The following SHANK2 variants were observed in gnomAD, a reference collection of about 807,000 sequenced individuals.
SHANK2 encodes SH3 and multiple ankyrin repeat domains 2.
SHANK2 carries 43 observed loss-of-function variants against 133.7 expected under a neutral mutation model. The observed-to-expected ratio is 0.32, with a 90% CI of 0.25 to 0.41. The LOEUF (loss-of-function observed/expected upper bound fraction) is 0.41, where lower values mean the gene tolerates loss of function less well. Ranked by LOEUF, SHANK2 falls within the 10% of genes least tolerant of loss-of-function variation. The pLI is 1.00. For missense variants in SHANK2, 1,994 were observed against 2,235.8 expected (o/e 0.89, Z 2.18); for synonymous variants, 1,017 against 952.8 (o/e 1.07, Z -1.24).
At chr11:70,938,727 G>C (rs567767530) in intron 10 of SHANK2, among the ~76,000 whole-genome samples, 1 of 152,272 alleles carries the variant, frequency 6.6e-6, no homozygotes, top group South Asian at 2.1e-4. Context: ...TGAGGAGGAG[G>C]AGGAGAGTTC....
At chr11:71,130,851 A>G (rs1952287585) in intron 3 of SHANK2, among the ~76,000 whole-genome samples, 1 of 152,248 alleles carries the variant, frequency 6.6e-6, no homozygotes, top group African/African-American at 2.4e-5. Flanking sequence ...GACGATCAAG[A>G]TGCCAGCTCT....
intron 12 of SHANK2, among the ~76,000 whole-genome samples, chr11:70,816,331 C>A (rs782475485): frequency 6.6e-6 from 1 of 152,218 alleles, no homozygotes; most frequent in African/African-American, 2.4e-5. Context: ...GTAGCCCTGG[C>A]GGTCAGCACT....
chr11:70,800,890 G>A (rs1381241815), intron 13 of SHANK2, among the ~76,000 whole-genome samples: 2 of 152,182 alleles, frequency 1.3e-5, no homozygotes, highest in African/African-American at 2.4e-5. Flanking sequence ...CTTCCTTCAC[G>A]GCTGTGAGGT....
At chr11:70,726,574 C>T (rs538101650) in intron 14 of SHANK2, among the ~76,000 whole-genome samples, 26 of 152,244 alleles carry the variant, frequency 1.7e-4, no homozygotes, top group African/African-American at 6.3e-4. Flanking sequence ...GTGTCTCTGT[C>T]TGTGGAGATC....
At chr11:70,477,001 T>A (rs1555150241) in intron 25 of SHANK2, among the ~76,000 whole-genome samples, 1 of 152,124 alleles carries the variant, frequency 6.6e-6, no homozygotes, top group Non-Finnish European at 1.5e-5. Context: ...GTAGTTGGGA[T>A]TGATTTTGGT....
At chr11:70,837,641 C>T (rs1169837153) in intron 11 of SHANK2, among the ~76,000 whole-genome samples, 1 of 152,146 alleles carries the variant, frequency 6.6e-6, no homozygotes, top group Non-Finnish European at 1.5e-5. Flanking sequence ...CTGTCTTAAT[C>T]ACCACTGCAT....
At chr11:70,809,926 G>A (rs1286435216) in intron 12 of SHANK2, among the ~76,000 whole-genome samples, 2 of 152,196 alleles carry the variant, frequency 1.3e-5, no homozygotes, top group Non-Finnish European at 2.9e-5. Flanking sequence ...CAGACTCCTG[G>A]GGGCACAGGT....
At chr11:70,761,380 T>C (rs1555040184) in intron 14 of SHANK2, among the ~76,000 whole-genome samples, 1 of 152,054 alleles carries the variant, frequency 6.6e-6, no homozygotes, top group Non-Finnish European at 1.5e-5. Context: ...TCTCCAGCAC[T>C]GTGAGAAAAT....
chr11:71,197,608 A>C (rs1555116394), intron 2 of SHANK2, among the ~76,000 whole-genome samples: 1 of 152,210 alleles, frequency 6.6e-6, no homozygotes, highest in African/African-American at 2.4e-5. Flanking sequence ...CTCAGATTTT[A>C]GATTTTGTCT....
chr11:70,851,938 CAATT>C (rs1334088557), intron 11 of SHANK2, among the ~76,000 whole-genome samples: 3 of 152,172 alleles, frequency 2.0e-5, no homozygotes, highest in African/African-American at 7.2e-5. Context: ...AGAATGTGAT[CAATT>C]AATAAGAATC....
intron 15 of SHANK2, among the ~76,000 whole-genome samples, chr11:70,677,905 T>G (rs1458792979): frequency 6.6e-6 from 1 of 152,202 alleles, no homozygotes; most frequent in African/African-American, 2.4e-5. Flanking sequence ...TCGCTCCTTC[T>G]TTTTGCAGAA....
At chr11:71,132,828 T>C (rs566451727) in intron 3 of SHANK2, among the ~76,000 whole-genome samples, 59 of 152,326 alleles carry the variant, frequency 3.9e-4, no homozygotes, top group Admixed American at 3.1e-3. Context: ...AAACAATTTG[T>C]AACTCACCAG....
At chr11:71,187,083 G>C (rs1953690285) in intron 2 of SHANK2, among the ~76,000 whole-genome samples, 1 of 152,254 alleles carries the variant, frequency 6.6e-6, no homozygotes, top group African/African-American at 2.4e-5. Context: ...TGCTCAGCTG[G>C]CTGGATCCAG....
intron 2 of SHANK2, among the ~76,000 whole-genome samples, chr11:71,155,347 A>G (rs552645675): frequency 7.8e-5 from 10 of 128,104 alleles, no homozygotes; most frequent in Admixed American, 6.5e-4. Flanking sequence ...ACGCTCCCAG[A>G]GAGGTGGACC....
intron 11 of SHANK2, chr11:70,863,815 C>T (rs1307401849): frequency 2.2e-6 from 1 of 457,610 alleles, no homozygotes; most frequent in Non-Finnish European, 4.4e-6. Flanking sequence ...AAGAGGAAAC[C>T]TGGACAGACA....
At chr11:71,101,797 C>T (rs1555096681) in intron 6 of SHANK2, among the ~76,000 whole-genome samples, 2 of 152,120 alleles carry the variant, frequency 1.3e-5, no homozygotes, top group East Asian at 1.9e-4. Flanking sequence ...CTGAGCGGTG[C>T]GGGAGCTGGG....
At chr11:70,637,511 C>T (rs1236754985) in intron 17 of SHANK2, among the ~76,000 whole-genome samples, 1 of 152,138 alleles carries the variant, frequency 6.6e-6, no homozygotes, top group African/African-American at 2.4e-5. Flanking sequence ...GACAAATGAG[C>T]GGCCGGAGAG....
chr11:71,063,698 T>C (rs1209894121), intron 9 of SHANK2, among the ~76,000 whole-genome samples: 1 of 152,220 alleles, frequency 6.6e-6, no homozygotes, highest in Non-Finnish European at 1.5e-5. Flanking sequence ...GTGTATCTTA[T>C]CTGACAGGTC....
chr11:70,564,664 T>C (rs1038807564), intron 17 of SHANK2, among the ~76,000 whole-genome samples: 2 of 152,208 alleles, frequency 1.3e-5, no homozygotes, highest in East Asian at 1.9e-4. Context: ...CACTGACTGA[T>C]GTTCTTTTAA....
Sources: gnomAD v4.1 joint callset for allele counts (sites outside exome capture counted in the v4.1 genomes callset) on GRCh38, gnomAD v4.1.1 for gene constraint, MANE v1.5 for transcripts, NCBI Gene and HGNC (gene_info 2026-07-23, HGNC 2026-07-21) for gene names.